The following CCDC148 variants were observed in gnomAD, a reference collection of about 807,000 sequenced individuals.
CCDC148 encodes the protein coiled-coil domain-containing protein 148.
CCDC148 carries 89 observed loss-of-function variants against 85.7 expected under a neutral mutation model. The observed-to-expected ratio is 1.04, with a 90% confidence interval of 0.87 to 1.24. The LOEUF (loss-of-function observed/expected upper bound fraction) is 1.24. Among genes scored for constraint, CCDC148 ranks in the 50% most tolerant of loss-of-function variants. The probability of loss-of-function intolerance (pLI) is 0.00; values close to 1 mark genes in which losing one functional copy is unlikely to be tolerated. For synonymous variants in CCDC148, 230 were observed against 213.9 expected, an observed-to-expected ratio of 1.08 and a Z score of -0.66; for missense variants, 692 against 671.7, an observed-to-expected ratio of 1.03 and a Z score of -0.33.
At chr2:158,311,307 C>T (rs1559062303) in intron 8 of CCDC148, among the ~76,000 whole-genome samples, 4 of 152,162 alleles carry the variant, frequency 2.6e-5, no homozygotes. Context: ...CCGTCTCCAC[C>T]AAAAAATACA....
chr2:158,233,903 T>C (rs1351349502), intron 10 of CCDC148, among the ~76,000 whole-genome samples: 1 of 152,072 alleles, frequency 6.6e-6, no homozygotes, highest in Admixed American at 6.6e-5. Flanking sequence ...TCAGGTTGGG[T>C]GCAGTGGCTC....
chr2:158,224,890 A>G (rs1258987058), intron 10 of CCDC148, among the ~76,000 whole-genome samples: 1 of 152,126 alleles, frequency 6.6e-6, no homozygotes, highest in Non-Finnish European at 1.5e-5. Flanking sequence ...AAGAAACTGC[A>G]TCAACTAACG....
At chr2:158,179,151 C>T (rs1241745819) in intron 11 of CCDC148, among the ~76,000 whole-genome samples, 155 bp from the exon 12 acceptor site, 1 of 136,902 alleles carries the variant, frequency 7.3e-6, no homozygotes, top group African/African-American at 2.6e-5. Flanking sequence ...ATAAAAGACA[C>T]TCATATAAAA....
At chr2:158,326,637 T>C (rs963627916) in intron 7 of CCDC148, among the ~76,000 whole-genome samples, 19 of 152,186 alleles carry the variant, frequency 1.2e-4, no homozygotes, top group Non-Finnish European at 1.8e-4. Context: ...CATTTGTACC[T>C]GATATGTTGC....
At chr2:158,275,736 G>GAAA (rs11291236) in intron 9 of CCDC148, among the ~76,000 whole-genome samples, 23 of 146,884 alleles carry the variant, frequency 1.6e-4, no homozygotes, top group African/African-American at 5.6e-4. Context: ...AATTTAAATT[G>GAAA]AAAAAAAAAA....
intron 9 of CCDC148, among the ~76,000 whole-genome samples, chr2:158,269,555 G>T (rs1211268480): frequency 6.6e-6 from 1 of 152,094 alleles, no homozygotes; most frequent in Non-Finnish European, 1.5e-5. Context: ...TACCCTATTG[G>T]TCAACCCTTG....
intron 9 of CCDC148, among the ~76,000 whole-genome samples, chr2:158,285,762 T>C (rs1233161735): frequency 6.6e-6 from 1 of 151,788 alleles, no homozygotes; most frequent in Non-Finnish European, 1.5e-5. Context: ...GGTCTTGATC[T>C]CCTGACCTCA....
At chr2:158,209,785 G>A (rs568992178) in intron 11 of CCDC148, among the ~76,000 whole-genome samples, 6 of 152,238 alleles carry the variant, frequency 3.9e-5, no homozygotes, top group Admixed American at 3.3e-4. Flanking sequence ...TCACCACCAG[G>A]CCTGCCTTAC....
intron 9 of CCDC148, among the ~76,000 whole-genome samples, chr2:158,264,501 G>A (rs145252886): frequency 1.4e-3 from 217 of 152,208 alleles, no homozygotes; most frequent in African/African-American, 5.1e-3. Flanking sequence ...TATAGTGCAT[G>A]TTGATATGTG....
At position 158,280,712 on chromosome 2, in the gene CCDC148, G is replaced by A. The variant is rs1173356195; in HGVS notation, c.1110+28721C>T. Among the ~76,000 whole-genome samples the A allele has an allele frequency of 6.6e-5, 10 of 152,278 alleles. No homozygotes were observed. The South Asian group carries it at 1.0e-3, about 16-fold the overall frequency. On this transcript the variant is annotated intron_variant, in intron 9 of 13. Coordinates refer to ENST00000283233, the MANE Select transcript of CCDC148 (RefSeq NM_138803.4). ...AACACCCCACTGTCAACATTAGACA[G>A]ATCAACGAGACAGAAAGTCAACAAG...
chr2:158,425,057 G>C, intron 1 of CCDC148: 1 of 450,652 alleles, frequency 2.2e-6, no homozygotes, highest in South Asian at 1.6e-5. Context: ...CTAGGGGGTC[G>C]TGACCAAGGT....
At chr2:158,395,208 C>G (rs1685472875) in intron 1 of CCDC148, among the ~76,000 whole-genome samples, 1 of 152,024 alleles carries the variant, frequency 6.6e-6, no homozygotes, top group South Asian at 2.1e-4. Context: ...CAAAAGGTAA[C>G]ATAATTAACA....
intron 1 of CCDC148, among the ~76,000 whole-genome samples, chr2:158,360,968 A>C (rs973185425): frequency 6.6e-6 from 1 of 152,016 alleles, no homozygotes; most frequent in Admixed American, 6.6e-5. Context: ...ACCAGTTTAG[A>C]GAAGAACATA....
At chr2:158,321,650 C>A (rs1021888800) in intron 7 of CCDC148, among the ~76,000 whole-genome samples, 1 of 152,152 alleles carries the variant, frequency 6.6e-6, no homozygotes, top group Non-Finnish European at 1.5e-5. Flanking sequence ...CCCTCTCTTT[C>A]TTCTGTCTTG....
rs930206336 is a variant in CCDC148, at chr2:158,320,385, T to A, written c.765-6491A>T. On this transcript the variant is annotated intron_variant, in intron 7 of 13. Transcript: ENST00000283233. ...AAACATAAACCTGGGAATGGTGTAG[T>A]TATTCTTACATTACTTGTTCTCCAT... is the stretch of plus-strand genomic sequence containing the variant. Among the ~76,000 whole-genome samples the A allele has an allele frequency of 2.0e-5, 3 of 152,220 alleles. No individual in the cohort carries two copies. The East Asian group carries it at 5.8e-4, about 29-fold the overall frequency.
intron 1 of CCDC148, among the ~76,000 whole-genome samples, chr2:158,429,364 G>A (rs1037475589): frequency 4.0e-5 from 4 of 99,108 alleles, no homozygotes; most frequent in South Asian, 5.8e-4. Context: ...AGCATGAATA[G>A]ATAGATAGAT....
chr2:158,386,631 G>C (rs151172769), intron 1 of CCDC148, among the ~76,000 whole-genome samples: 37 of 151,852 alleles, frequency 2.4e-4, no homozygotes, highest in Admixed American at 1.2e-3. Flanking sequence ...CATGATCTTT[G>C]GAACTATCAT....
intron 1 of CCDC148, among the ~76,000 whole-genome samples, chr2:158,419,686 A>T (rs1318801513): frequency 6.6e-6 from 1 of 152,172 alleles, no homozygotes; most frequent in African/African-American, 2.4e-5. Flanking sequence ...AGAAAAATAC[A>T]TTGACTACTT....
chr2:158,186,517 A>T (rs1055001481), intron 11 of CCDC148, among the ~76,000 whole-genome samples: 1 of 152,008 alleles, frequency 6.6e-6, no homozygotes, highest in Non-Finnish European at 1.5e-5. Context: ...CAAGATTTCC[A>T]TTGTTCAACA....
Sources: gnomAD v4.1 joint callset for allele counts (sites outside exome capture counted in the v4.1 genomes callset) on GRCh38, gnomAD v4.1.1 for gene constraint, MANE v1.5 for transcripts, NCBI Gene and HGNC (gene_info 2026-07-23, HGNC 2026-07-21) for gene names.